Variants in RND3 observed in about 807,000 individuals in gnomAD.
RND3 encodes Rho family GTPase 3.
RND3 carries 8 observed loss-of-function variants against 26.5 expected under a neutral mutation model. That is an observed-to-expected ratio of 0.30 (90% CI 0.18 to 0.54). The LOEUF (loss-of-function observed/expected upper bound fraction) is 0.54. RND3 is among the 20% of genes least tolerant of loss of function. The pLI, the probability that RND3 is intolerant of heterozygous loss-of-function variation, is 0.94. For missense variants in RND3, 207 were observed against 302.8 expected, an observed-to-expected ratio of 0.68 and a Z score of 2.35; for synonymous variants, 113 against 113.0, an observed-to-expected ratio of 1.00 and a Z score of 0.00.
chr2:150,470,783 C>T (rs764537782), intron 5 of RND3, among the ~76,000 whole-genome samples: 7 of 152,108 alleles, frequency 4.6e-5, no homozygotes, highest in African/African-American at 1.2e-4. Flanking sequence ...CCTGTTCCAG[C>T]GCCTCATGGT....
rs540244240 is a variant in RND3 at position 150,471,685 on chromosome 2, T to A, written c.425A>T (p.Asp142Val). The part of the protein sequence containing the change: ...LVGCKSDLRT[D>V]VSTLVELSNH... ...GGAGAGCTCTACTAATGTACTAACA[T>A]CTGTCCGCAGATCAGACTTGCAGCC... Residue 142 changes from aspartate (D) to valine (V), a missense_variant, in exon 5 of 6, where the codon GAT becomes GTT. By Grantham distance (152) the Asp-to-Val change is radical (BLOSUM62 -3). Transcript: ENST00000263895. The A allele has an allele frequency of 4.3e-6, 7 of 1,613,446 alleles. No homozygotes were observed. The South Asian group carries it at 7.7e-5, about 18-fold the overall frequency.
In RND3 at chr2:150,469,742, T is replaced by G; in HGVS notation, c.*245A>C. 4.1e-6 allele frequency: 2 copies of G among 489,746 alleles called. No homozygotes were observed. Among genetic ancestry groups the G allele is most frequent in the South Asian group, 6.3e-5 (2 of 31,940 alleles). The allele number at this position is 489,746 out of a possible 1,614,324, so 30.3% of individuals were successfully genotyped here. ...CTCATCTTCCTCTAGCTCATTTGTATCTCTCATTTTTTGGCATATTTTTCA... is the reference window on the plus strand; with the variant it reads ...CTCATCTTCCTCTAGCTCATTTGTAGCTCTCATTTTTTGGCATATTTTTCA... On this transcript the variant is annotated 3_prime_UTR_variant, in exon 6 of 6. Coordinates refer to ENST00000263895, the MANE Select transcript of RND3 (RefSeq NM_005168.5).
chr2:150,479,678 A>C (rs150158876), intron 3 of RND3, among the ~76,000 whole-genome samples: 3 of 152,340 alleles, frequency 2.0e-5, no homozygotes, highest in African/African-American at 7.2e-5. Context: ...ACAAGATTGC[A>C]TTTCCTCATG....
intron 3 of RND3, among the ~76,000 whole-genome samples, chr2:150,485,632 C>G (rs777037674): frequency 6.6e-6 from 1 of 152,142 alleles, no homozygotes; most frequent in Admixed American, 6.5e-5. Flanking sequence ...TAGCCGACAC[C>G]CTTCTTGGAA....
intron 4 of RND3, among the ~76,000 whole-genome samples, chr2:150,472,814 A>C (rs2105216702): frequency 6.6e-6 from 1 of 152,294 alleles, no homozygotes; most frequent in South Asian, 2.1e-4. Flanking sequence ...TCATGTATTA[A>C]GTATAACACT....
rs567854014 is a variant in RND3 at position 150,468,481 on chromosome 2, C to G, written c.*1506G>C. The G allele has an allele frequency of 2.6e-5, 4 of 152,642 alleles. No homozygotes were observed. In the South Asian group the frequency reaches 8.3e-4, roughly 32 times the overall value. The allele number at this position is 152,642 out of a possible 1,614,324, so 9.5% of individuals were successfully genotyped here. A position where few individuals can be genotyped will look rare whatever the true frequency, so the allele number is the denominator to read the frequency against. On this transcript the variant is annotated 3_prime_UTR_variant, in exon 6 of 6. Coordinates refer to ENST00000263895, the MANE Select transcript of RND3 (RefSeq NM_005168.5). Reference sequence around the variant, plus strand: ...GTATTTTATGGGAAATGACTGGAATCGAATTTTCTTGCAGAGACAAGACAA... The same window carrying G: ...GTATTTTATGGGAAATGACTGGAATGGAATTTTCTTGCAGAGACAAGACAA...
rs1191190636 is a variant in RND3 at position 150,469,749 on chromosome 2, T to C, written c.*238A>G. 1 of 499,498 alleles carries C rather than the reference T, an allele frequency of 2.0e-6. No individual in the cohort carries two copies. The highest frequency in any genetic ancestry group is 3.5e-6 in the Non-Finnish European group (1 of 283,468). The allele number at this position is 499,498 out of a possible 1,614,324, so 30.9% of individuals were successfully genotyped here. A position where few individuals can be genotyped will look rare whatever the true frequency, so the allele number is the denominator to read the frequency against. On this transcript the variant is annotated 3_prime_UTR_variant, in exon 6 of 6. Transcript: ENST00000263895. ...TCCTCTAGCTCATTTGTATCTCTCA[T>C]TTTTTGGCATATTTTTCAAGTCACA...
intron 3 of RND3, among the ~76,000 whole-genome samples, chr2:150,478,865 A>C (rs1686217861): frequency 6.6e-6 from 1 of 152,174 alleles, no homozygotes. Context: ...GGCTTCATGC[A>C]TATGGAAATT....
rs1431131216 is a variant in RND3 at position 150,487,209 on chromosome 2, T to A, written c.150+59A>T. The A allele has an allele frequency of 3.4e-5, 41 of 1,217,384 alleles. No individual in the cohort carries two copies. The East Asian group carries it at 4.9e-4, about 15-fold the overall frequency. 75.4% of individuals were successfully genotyped at this position (1,217,384 alleles called of 1,614,324 possible). A position where few individuals can be genotyped will look rare whatever the true frequency, so the allele number is the denominator to read the frequency against. On this transcript the variant is annotated intron_variant, in intron 2 of 5. Transcript: ENST00000263895. ...ACGGATGAAAGCGGGGAGGCCCACC[T>A]CGGGACTGGGATCCCACTGGCCGAC...
intron 4 of RND3, among the ~76,000 whole-genome samples, chr2:150,473,723 CA>C (rs1211186673): frequency 6.6e-6 from 1 of 152,152 alleles, no homozygotes; most frequent in Non-Finnish European, 1.5e-5. Flanking sequence ...TATTATACTT[CA>C]AATCCTGATT....
At position 150,470,029 on chromosome 2, in the gene RND3, C is replaced by T. The variant is rs774997020; in HGVS notation, c.693G>A (p.Thr231=). ...PSRPELSAVA[T]DLRKDKAKSC... ...TCTTCGCTTTGTCCTTTCGTAAGTC[C>T]GTAGCAACTGCCGAGAGTTCTGGTC... The change falls in exon 6 of 6, where the codon ACG becomes ACA. Residue 231 remains threonine, a synonymous_variant. Transcript: ENST00000263895. 1.5e-5 allele frequency: 24 copies of T among 1,613,808 alleles called. No individual in the cohort carries two copies. The highest frequency in any genetic ancestry group is 1.9e-5 in the Non-Finnish European group (22 of 1,179,936).
chr2:150,480,436 C>G (rs1488998057), intron 3 of RND3, among the ~76,000 whole-genome samples: 2 of 152,112 alleles, frequency 1.3e-5, no homozygotes, highest in Non-Finnish European at 2.9e-5. Flanking sequence ...CAGAAAATGA[C>G]TGAGCCACGA....
At chr2:150,473,451 G>C (rs942851379) in intron 4 of RND3, among the ~76,000 whole-genome samples, 2 of 152,172 alleles carry the variant, frequency 1.3e-5, no homozygotes, top group African/African-American at 4.8e-5. Context: ...GACAGAACTA[G>C]ACATGTTGTT....
rs1686154947 is a variant in RND3, at chr2:150,475,834, T to A, written c.239-850A>T. Among the ~76,000 whole-genome samples, 2 of 152,142 alleles carry A rather than the reference T, an allele frequency of 1.3e-5. 1 individual carries two copies. The highest frequency in any genetic ancestry group is 4.1e-4 in the South Asian group (2 of 4,826). On this transcript the variant is annotated intron_variant, in intron 3 of 5. Transcript: ENST00000263895. ...GTGACACTGAGGCATGATCTAAGGA[T>A]CTTAACCTGAATTAAGTCCAGGGTA...
intron 3 of RND3, among the ~76,000 whole-genome samples, chr2:150,478,358 G>A (rs1686207065): frequency 6.6e-6 from 1 of 151,888 alleles, no homozygotes; most frequent in African/African-American, 2.4e-5. Context: ...CAAAGCTGGA[G>A]AGGGCACGGT....
chr2:150,478,401 CAA>C (rs377282962), intron 3 of RND3, among the ~76,000 whole-genome samples: 2 of 145,754 alleles, frequency 1.4e-5, no homozygotes. Context: ...CAACGCATGC[CAA>C]AAAAAAAGGA....
chr2:150,480,310 A>G (rs1360875290), intron 3 of RND3, among the ~76,000 whole-genome samples: 1 of 152,196 alleles, frequency 6.6e-6, no homozygotes, highest in Non-Finnish European at 1.5e-5. Flanking sequence ...TGTGCACAAC[A>G]CCTGGTCAAA....
chr2:150,474,979 G>A lies in RND3; in HGVS notation c.244C>T (p.Pro82Ser), dbSNP rs748211534. Residue 82 changes from proline to serine, a missense_variant, in exon 4 of 6, where the codon CCT (proline) becomes TCT (serine). Physicochemically the swap from Pro to Ser is moderately conservative, Grantham distance 74 (BLOSUM62 -1). Transcript: ENST00000263895. ...AGGGGGCGGACATTGTCATAGTAAG[G>A]AGAACCTGAGAAGAAACAAAGACAC... ...ELSLWDTSGS[P>S]YYDNVRPLSY... 4.4e-6 allele frequency: 7 copies of A among 1,597,740 alleles called. No homozygotes were observed. The highest frequency in any genetic ancestry group is 5.1e-6 in the Non-Finnish European group (6 of 1,165,334).
chr2:150,474,191 G>T (rs1235182777), intron 4 of RND3, among the ~76,000 whole-genome samples: 1 of 152,078 alleles, frequency 6.6e-6, no homozygotes, highest in Non-Finnish European at 1.5e-5. Flanking sequence ...CCTGTAATAG[G>T]TCCTCTTCCT....
Sources: allele counts gnomAD v4.1 joint callset (sites outside exome capture counted in the v4.1 genomes callset), GRCh38; gene constraint gnomAD v4.1.1; transcripts MANE v1.5; gene names NCBI Gene and HGNC (gene_info 2026-07-23, HGNC 2026-07-21).